The following ZNF676 variants were observed in gnomAD, a reference collection of about 807,000 sequenced individuals.
ZNF676 encodes the protein zinc finger protein 676.
ZNF676 carries 4 observed loss-of-function variants against 6.0 expected under a neutral mutation model. The observed-to-expected ratio is 0.67, with a 90% CI of 0.33 to 1.53. ZNF676 has a LOEUF of 1.53. ZNF676 is among the 40% of genes most tolerant of loss of function. The pLI is 0.06. For synonymous variants in ZNF676, 198 were observed against 223.1 expected, an observed-to-expected ratio of 0.89 and a Z score of 1.00; for missense variants, 644 against 679.7, an observed-to-expected ratio of 0.95 and a Z score of 0.58.
At chr19:22,213,681 T>TG (rs2024154941) in intron 1 of ZNF676, among the ~76,000 whole-genome samples, 1 of 148,640 alleles carries the variant, frequency 6.7e-6, no homozygotes, top group East Asian at 2.0e-4. Flanking sequence ...TTATGGGAGA[T>TG]GAGAGGCTAC....
the ZNF676 span, among the ~76,000 whole-genome samples, chr19:22,260,116 A>G: frequency 6.6e-6 from 1 of 151,982 alleles, no homozygotes; most frequent in Non-Finnish European, 1.5e-5. Flanking sequence ...CTGGCCCCAG[A>G]CCCCAGGTCC....
At chr19:22,200,935 C>G (rs1380776890), upstream of ZNF676, among the ~76,000 whole-genome samples, 2 of 151,986 alleles carry the variant, frequency 1.3e-5, no homozygotes, top group East Asian at 1.9e-4. Flanking sequence ...ATTTTTTACT[C>G]AAGTACCAGG....
chr19:22,217,950 C>T (rs1396457765), upstream of ZNF676, among the ~76,000 whole-genome samples: 13 of 151,720 alleles, frequency 8.6e-5, no homozygotes, highest in Admixed American at 1.3e-4. Flanking sequence ...GTGATCCACC[C>T]GTCTTGGTCT....
At chr19:22,211,863 C>A (rs1199853733) in intron 1 of ZNF676, among the ~76,000 whole-genome samples, 1 of 152,012 alleles carries the variant, frequency 6.6e-6, no homozygotes, top group Non-Finnish European at 1.5e-5. Context: ...CCCAAACATT[C>A]CAAAAGCTAG....
intron 2 of ZNF676, among the ~76,000 whole-genome samples, chr19:22,184,826 GAAAAAAAAAAAA>G (rs144833243): frequency 3.8e-5 from 2 of 52,682 alleles, no homozygotes; most frequent in African/African-American, 8.0e-5. Flanking sequence ...GGGCATCTTT[GAAAAAAAAAAAA>G]AAAAAAAAAA....
the ZNF676 span, among the ~76,000 whole-genome samples, chr19:22,242,984 C>A: frequency 8.6e-4 from 130 of 151,914 alleles, 5 homozygotes; most frequent in African/African-American, 2.9e-3. Context: ...GCATATGCAT[C>A]CTGCGGGCAA....
Position 22,180,703 on chromosome 19 carries a change from T to C in ZNF676, c.1014A>G (p.Lys338=), listed in dbSNP as rs751324293. 2 of 1,611,922 alleles carry C rather than the reference T, an allele frequency of 1.2e-6. No individual in the cohort carries two copies. The highest frequency in any genetic ancestry group is 1.7e-5 in the Admixed American group (1 of 59,864). The change falls in exon 3 of 3, where the codon AAA becomes AAG. Residue 338 remains lysine (K), a synonymous_variant. Coordinates refer to ENST00000397121, the MANE Select transcript of ZNF676 (RefSeq NM_001001411.3). The part of the protein sequence containing the change: ...KRIHAGEKPY[K]CEECGKAFNR... The stretch of plus-strand genomic sequence containing the variant: ...TAAAAGCTTTCCCGCATTCTTCACA[T>C]TTGTAGGGTTTCTCTCCAGCATGAA...
the ZNF676 span, among the ~76,000 whole-genome samples, chr19:22,222,755 A>C: frequency 6.6e-6 from 1 of 152,192 alleles, no homozygotes; most frequent in Non-Finnish European, 1.5e-5. Context: ...CTGCGTCTGC[A>C]TAGGATTTAC....
chr19:22,221,515 C>T, the ZNF676 span, among the ~76,000 whole-genome samples: 19 of 152,190 alleles, frequency 1.2e-4, no homozygotes, highest in East Asian at 3.5e-3. Flanking sequence ...CTTTGGGATG[C>T]CAAGGCAGGT....
chr19:22,229,520 A>G, the ZNF676 span, among the ~76,000 whole-genome samples: 1 of 152,240 alleles, frequency 6.6e-6, no homozygotes, highest in Non-Finnish European at 1.5e-5. Flanking sequence ...ATTAAACTCA[A>G]GAGCTTCTGC....
At chr19:22,233,042 A>T in the ZNF676 span, among the ~76,000 whole-genome samples, 2 of 152,206 alleles carry the variant, frequency 1.3e-5, no homozygotes, top group Non-Finnish European at 2.9e-5. Context: ...ACTCATTACA[A>T]ATCTACAAAA....
At chr19:22,182,593 A>AAAAAAAAAAAAAAAAAAAAAAAAAGC (rs1356303631) in intron 2 of ZNF676, among the ~76,000 whole-genome samples, 4 of 90,922 alleles carry the variant, frequency 4.4e-5, no homozygotes, top group Non-Finnish European at 8.4e-5. Context: ...TCTAAAAAAA[A>AAAAAAAAAAAAAAAAAAAAAAAAAGC]AAAAAAAAAG....
At chr19:22,215,070 A>AAC (rs1555775855) in intron 1 of ZNF676, among the ~76,000 whole-genome samples, 3,120 of 149,934 alleles carry the variant, frequency 0.021, 121 homozygotes, top group African/African-American at 0.073. Flanking sequence ...ACAACAAAAA[A>AAC]CCAGGAAACT....
the ZNF676 span, among the ~76,000 whole-genome samples, chr19:22,239,333 GC>G: frequency 6.6e-6 from 1 of 150,898 alleles, no homozygotes; most frequent in African/African-American, 2.4e-5. Context: ...CCGCCACCAT[GC>G]CCGGCTAATT....
At chr19:22,237,356 C>G in the ZNF676 span, among the ~76,000 whole-genome samples, 4 of 152,154 alleles carry the variant, frequency 2.6e-5, no homozygotes, top group Admixed American at 6.5e-5. Flanking sequence ...ATAAATTCAG[C>G]CTGGTTCAAC....
the ZNF676 span, among the ~76,000 whole-genome samples, chr19:22,245,506 C>A: frequency 0.019 from 6 of 314 alleles, no homozygotes; most frequent in Non-Finnish European, 0.15. Context: ...GTCACAATGC[C>A]CCCCCCCCCA....
At chr19:22,224,862 G>A in the ZNF676 span, among the ~76,000 whole-genome samples, 3 of 152,108 alleles carry the variant, frequency 2.0e-5, no homozygotes, top group African/African-American at 7.2e-5. Context: ...AGCCATGGTG[G>A]TGTGCACCTG....
chr19:22,202,809 A>G (rs1483378723), intron 1 of ZNF676, among the ~76,000 whole-genome samples: 1 of 152,180 alleles, frequency 6.6e-6, no homozygotes, highest in Non-Finnish European at 1.5e-5. Flanking sequence ...ATCAATGACA[A>G]AGTAAAGCTT....
Position 22,192,936 on chromosome 19 carries a change from T to C in ZNF676, c.130+80A>G. 3.6e-6 allele frequency: 5 copies of C among 1,373,270 alleles called. No individual in the cohort carries two copies. The South Asian group carries it at 7.1e-5, about 19-fold the overall frequency. The allele number at this position is 1,373,270 out of a possible 1,614,324, so 85.1% of individuals were successfully genotyped here. A position where few individuals can be genotyped will look rare whatever the true frequency, so the allele number is the denominator to read the frequency against. ...GAAACAACTACTTTTGGAACACAGC[T>C]TCCCAAATGACTTTAAGGACTGGCT... On this transcript the variant is annotated intron_variant, in intron 2 of 2. Coordinates refer to ENST00000397121, the MANE Select transcript of ZNF676 (RefSeq NM_001001411.3).
Sources: allele counts gnomAD v4.1 joint callset (sites outside exome capture counted in the v4.1 genomes callset), GRCh38; gene constraint gnomAD v4.1.1; transcripts MANE v1.5; gene names NCBI Gene and HGNC (gene_info 2026-07-23, HGNC 2026-07-21).